Variants in PTGER3 observed in about 807,000 individuals in gnomAD.
The protein encoded by PTGER3 is prostaglandin E receptor 3, also known as prostaglandin E2 receptor EP3 subtype.
Under a neutral mutation model 34.7 loss-of-function variants are expected in PTGER3, and 22 were observed. The observed-to-expected ratio is 0.63, with a 90% confidence interval of 0.45 to 0.91. PTGER3 has a LOEUF of 0.91. Ranked by LOEUF, PTGER3 falls within the 40% of genes least tolerant of loss-of-function variation. The probability of loss-of-function intolerance (pLI) is 0.00; values close to 1 mark genes in which losing one functional copy is unlikely to be tolerated. For synonymous variants in PTGER3, 241 were observed against 230.1 expected (o/e 1.05, Z -0.43); for missense variants, 468 against 519.4 (o/e 0.90, Z 0.96).
rs140522722 is a variant in PTGER3, at chr1:71,047,480, G to T, written c.98C>A (p.Ala33Glu). 2.1e-4 allele frequency: 338 copies of T among 1,607,932 alleles called. 1 individual carries two copies. The highest frequency in any genetic ancestry group is 2.6e-4 in the Non-Finnish European group (305 of 1,178,340). Residue 33 changes from alanine to glutamate, a missense_variant, in exon 1 of 4, where the codon GCG becomes GAG. Ala to Glu is a moderately radical substitution (Grantham distance 107). Around this residue, in one of 5 missense-constraint regions of PTGER3, gnomAD observed 151 missense variants for 133.5 expected, o/e 1.13. Coordinates refer to ENST00000306666, the MANE Select transcript of PTGER3 (RefSeq NM_198719.2). ...GMWAPERSAE[A>E]RGNLTRPPGS... is the part of the protein sequence containing the mutation. The stretch of plus-strand genomic sequence containing the variant: ...TGGAGGGCGCGTGAGGTTGCCCCGC[G>T]CCTCGGCGGAACGCTCGGGCGCCCA...
intron 2 of PTGER3, among the ~76,000 whole-genome samples, chr1:70,987,858 T>C (rs12563222): frequency 2.6e-5 from 4 of 152,222 alleles, no homozygotes; most frequent in East Asian, 1.9e-4. Context: ...AATTTAGCAC[T>C]CATTGATTAC....
chr1:70,918,415 A>G (rs1390499066), intron 4 of PTGER3, among the ~76,000 whole-genome samples: 1 of 152,098 alleles, frequency 6.6e-6, no homozygotes, highest in Non-Finnish European at 1.5e-5. Flanking sequence ...GATTACATCA[A>G]ACCAAAAAGC....
chr1:71,007,829 G>A lies in PTGER3; in HGVS notation c.1077+4476C>T, dbSNP rs1657102363. On this transcript the variant is annotated intron_variant, in intron 2 of 3. Transcript: ENST00000306666. Reference sequence around the variant, plus strand: ...AGGATCAAAATATTCTAATTCTAAAGCATTTAACAATAGCATTGAAGAGAT... The same window carrying A: ...AGGATCAAAATATTCTAATTCTAAAACATTTAACAATAGCATTGAAGAGAT... The A allele has an allele frequency of 5.1e-6, 5 of 984,862 alleles. No homozygotes were observed. The South Asian group carries it at 1.9e-4, about 37-fold the overall frequency. The allele number at this position is 984,862 out of a possible 1,614,324, so 61.0% of individuals were successfully genotyped here.
At chr1:70,975,150 A>G (rs1488737612) in intron 2 of PTGER3, among the ~76,000 whole-genome samples, 2 of 152,144 alleles carry the variant, frequency 1.3e-5, no homozygotes, top group Non-Finnish European at 2.9e-5. Flanking sequence ...TACCTAAGCT[A>G]TAAGCTTCAC....
At chr1:70,976,991 A>G (rs965154228) in intron 2 of PTGER3, among the ~76,000 whole-genome samples, 1 of 152,178 alleles carries the variant, frequency 6.6e-6, no homozygotes, top group African/African-American at 2.4e-5. Context: ...AGCAAACTTT[A>G]TCCTCCCTTT....
intron 4 of PTGER3, among the ~76,000 whole-genome samples, chr1:70,902,360 C>T (rs1646858777): frequency 6.6e-6 from 1 of 152,148 alleles, no homozygotes; most frequent in Non-Finnish European, 1.5e-5. Context: ...GGTTCACCAA[C>T]CTCTGCTGAA....
chr1:70,863,648 C>G (rs762633815), intron 4 of PTGER3, among the ~76,000 whole-genome samples: 6 of 151,582 alleles, frequency 4.0e-5, no homozygotes, highest in Non-Finnish European at 8.8e-5. Context: ...ATGTAATAGA[C>G]TAGAATAGAA....
intron 2 of PTGER3, among the ~76,000 whole-genome samples, chr1:70,954,161 A>G (rs1651073091): frequency 6.6e-6 from 1 of 152,196 alleles, no homozygotes; most frequent in Non-Finnish European, 1.5e-5. Context: ...TTTAACAGGA[A>G]TTAAGTTAAA....
rs547534151 is a variant in PTGER3, at chr1:70,860,528, T to C, written c.*24-7669A>G. ...TTCTTAAATGGATGTATAGCTTACA[T>C]TTATCTCAAGGTTTAAGATTAGAAG... On this transcript the variant is annotated intron_variant, in intron 4 of 4. Transcript: ENST00000370931. Among the ~76,000 whole-genome samples, 4 of 152,330 alleles carry C rather than the reference T, an allele frequency of 2.6e-5. No homozygotes were observed. In the East Asian group the frequency reaches 5.8e-4, roughly 22 times the overall value.
chr1:70,950,615 C>T (rs1245337500), downstream of PTGER3: 1 of 152,230 alleles, frequency 6.6e-6, no homozygotes, highest in Non-Finnish European at 1.5e-5. Context: ...TTCTGTTCTA[C>T]AGAGAGCTAA....
chr1:71,021,089 C>T (rs2206346), intron 1 of PTGER3, among the ~76,000 whole-genome samples: 50,358 of 151,866 alleles, frequency 0.33, 9,049 homozygotes, highest in South Asian at 0.46. Flanking sequence ...TAGGGGAATA[C>T]GACAAAGAAA....
rs1177109819 is a variant in PTGER3 at position 71,047,094 on chromosome 1, G to C, written c.484C>G (p.Pro162Ala). 1 of 1,608,338 alleles carries C rather than the reference G, an allele frequency of 6.2e-7. No individual in the cohort carries two copies. The highest frequency in any genetic ancestry group is 8.5e-7 in the Non-Finnish European group (1 of 1,177,906). ...TTCATGTGGCTCGCATACCAGTGCG[G>C]CGCCCTGATGGCCAGCGCCCGCTCG... is the stretch of plus-strand genomic sequence containing the variant. Reference protein sequence around the residue: ...AVERALAIRAPHWYASHMKTR... With the variant: ...AVERALAIRAAHWYASHMKTR... Residue 162 changes from proline (P) to alanine (A), a missense_variant, in exon 1 of 4, where the codon CCG (proline) becomes GCG (alanine). Pro to Ala is a conservative substitution (Grantham distance 27). Transcript: ENST00000306666.
chr1:70,909,309 A>G (rs1358818423), intron 4 of PTGER3, among the ~76,000 whole-genome samples: 1 of 152,222 alleles, frequency 6.6e-6, no homozygotes, highest in Non-Finnish European at 1.5e-5. Context: ...CACAGGTAAT[A>G]GTTGTTCCCT....
At chr1:71,030,173 C>T (rs1362260624) in intron 1 of PTGER3, among the ~76,000 whole-genome samples, 1 of 151,876 alleles carries the variant, frequency 6.6e-6, no homozygotes, top group Non-Finnish European at 1.5e-5. Flanking sequence ...TAAATGTGGC[C>T]AAATCCAAGA....
chr1:70,853,787 T>C (rs918641696), intron 4 of PTGER3, among the ~76,000 whole-genome samples: 2 of 152,138 alleles, frequency 1.3e-5, no homozygotes, highest in African/African-American at 4.8e-5. Context: ...TATGGATCAA[T>C]AGAATAGAAT....
intron 4 of PTGER3, among the ~76,000 whole-genome samples, chr1:70,892,837 C>CAAA (rs1176220550): frequency 1.3e-4 from 6 of 47,890 alleles, no homozygotes; most frequent in African/African-American, 3.7e-4. Context: ...CAAGACTCCT[C>CAAA]AAAAAAAAAA....
At chr1:71,019,902 T>C (rs999665910) in intron 1 of PTGER3, among the ~76,000 whole-genome samples, 2 of 152,222 alleles carry the variant, frequency 1.3e-5, no homozygotes, top group African/African-American at 2.4e-5. Context: ...TGCAAGTGTT[T>C]AAGAGAAGTT....
intron 4 of PTGER3, among the ~76,000 whole-genome samples, chr1:70,905,389 C>G (rs1184980600): frequency 6.6e-6 from 1 of 152,114 alleles, no homozygotes; most frequent in Non-Finnish European, 1.5e-5. Context: ...ACAGCCTGCA[C>G]CATGCACCTG....
intron 4 of PTGER3, among the ~76,000 whole-genome samples, chr1:70,932,118 AG>A (rs1648763726): frequency 6.6e-6 from 1 of 152,202 alleles, no homozygotes; most frequent in Non-Finnish European, 1.5e-5. Flanking sequence ...TCTCTAGGGC[AG>A]GGGAAAAATC....
Sources: allele counts gnomAD v4.1 joint callset (sites outside exome capture counted in the v4.1 genomes callset), GRCh38; gene constraint gnomAD v4.1.1; regional missense constraint gnomAD v4.1.1; transcripts MANE v1.5; gene names NCBI Gene and HGNC (gene_info 2026-07-23, HGNC 2026-07-21).